RNGTT: variants seen among roughly 807,000 people sequenced by gnomAD.
RNGTT encodes the protein mRNA-capping enzyme.
RNGTT carries 33 observed loss-of-function variants against 79.3 expected under a neutral mutation model. The observed-to-expected ratio is 0.42, with a 90% confidence interval of 0.32 to 0.56. RNGTT has a LOEUF of 0.56. Ranked by LOEUF, RNGTT falls within the 20% of genes least tolerant of loss-of-function variation. The pLI is 0.17. For missense variants in RNGTT, 497 were observed against 739.1 expected (o/e 0.67, Z 3.80); for synonymous variants, 222 against 235.9 (o/e 0.94, Z 0.54).
intron 13 of RNGTT, among the ~76,000 whole-genome samples, chr6:88,738,003 G>C (rs897203011): frequency 1.3e-5 from 2 of 152,146 alleles, no homozygotes; most frequent in Non-Finnish European, 2.9e-5. Flanking sequence ...AAAGAGTACA[G>C]TATGAAAAGG....
In RNGTT at chr6:88,775,062, A is replaced by G. The variant is rs74562685; in HGVS notation, c.1339-5188T>C. Among the ~76,000 whole-genome samples the G allele has an allele frequency of 9.0e-3, 1,376 of 152,344 alleles. 20 individuals are homozygous for G. The highest frequency in any genetic ancestry group is 0.031 in the African/African-American group (1,292 of 41,582). ...CAATATATTTGTATATTCACTTTATAGGTATCCTAATTGGAATGCATTTAC... is the reference window on the plus strand; with the variant it reads ...CAATATATTTGTATATTCACTTTATGGGTATCCTAATTGGAATGCATTTAC... On this transcript the variant is annotated intron_variant, in intron 12 of 15. Coordinates refer to ENST00000369485, the MANE Select transcript of RNGTT (RefSeq NM_003800.5).
At chr6:88,934,007 T>G (rs1784587821) in intron 2 of RNGTT, among the ~76,000 whole-genome samples, 1 of 152,068 alleles carries the variant, frequency 6.6e-6, no homozygotes, top group Admixed American at 6.6e-5. Flanking sequence ...CATCTGTTGG[T>G]TTTTGTCTTT....
chr6:88,765,289 C>T (rs1425935223), intron 13 of RNGTT, among the ~76,000 whole-genome samples: 2 of 151,690 alleles, frequency 1.3e-5, no homozygotes, highest in Non-Finnish European at 2.9e-5. Flanking sequence ...CAAAGTGAGG[C>T]TTCTTCATTC....
chr6:88,761,002 A>G (rs1778204404), intron 13 of RNGTT, among the ~76,000 whole-genome samples: 1 of 133,158 alleles, frequency 7.5e-6, no homozygotes, highest in African/African-American at 2.8e-5. Flanking sequence ...TTTTTAATGA[A>G]TTGAAGCAAA....
chr6:88,669,209 A>T (rs1305559476), intron 14 of RNGTT, among the ~76,000 whole-genome samples: 1 of 152,196 alleles, frequency 6.6e-6, no homozygotes, highest in Non-Finnish European at 1.5e-5. Context: ...CAGACCTTTT[A>T]TGATGAACTA....
At chr6:88,835,076 T>A (rs921201980) in intron 11 of RNGTT, among the ~76,000 whole-genome samples, 1 of 152,076 alleles carries the variant, frequency 6.6e-6, no homozygotes, top group Non-Finnish European at 1.5e-5. Context: ...GAAACAGCAA[T>A]AAGCAAATTA....
intron 11 of RNGTT, among the ~76,000 whole-genome samples, chr6:88,837,267 C>T (rs1201429601): frequency 1.3e-5 from 2 of 151,942 alleles, no homozygotes; most frequent in East Asian, 3.9e-4. Context: ...TGTGGTGGCA[C>T]GTGCCTGTAG....
In RNGTT at chr6:88,872,800, T is replaced by G. The variant is rs527694342; in HGVS notation, c.896+17695A>C. The stretch of plus-strand genomic sequence containing the variant: ...AAATAGACGGAGAAGTACTGAAAAG[T>G]GCTGAGAAGCATGCACAGAGGTAGC... On this transcript the variant is annotated intron_variant, in intron 8 of 15. Coordinates refer to ENST00000369485, the MANE Select transcript of RNGTT (RefSeq NM_003800.5). 2.0e-5 allele frequency among the ~76,000 whole-genome samples: 3 copies of G among 152,198 alleles called. No individual in the cohort carries two copies. In the East Asian group the frequency reaches 5.8e-4, roughly 29 times the overall value.
chr6:88,659,226 A>G (rs922702199), intron 14 of RNGTT, among the ~76,000 whole-genome samples: 2 of 152,198 alleles, frequency 1.3e-5, no homozygotes, highest in Admixed American at 1.3e-4. Context: ...TTCTGGTATG[A>G]TGAAACAAGG....
intron 13 of RNGTT, among the ~76,000 whole-genome samples, chr6:88,734,184 G>A (rs1249242462): frequency 6.6e-6 from 1 of 152,032 alleles, no homozygotes; most frequent in African/African-American, 2.4e-5. Context: ...GGATGAAAGG[G>A]AGGAACTGAG....
chr6:88,962,234 T>C (rs778082010), intron 1 of RNGTT, among the ~76,000 whole-genome samples: 9 of 152,106 alleles, frequency 5.9e-5, no homozygotes, highest in Non-Finnish European at 8.8e-5. Flanking sequence ...GAAAGAGATA[T>C]ATTTGTGTAT....
At chr6:88,628,185 G>A (rs560016450) in intron 14 of RNGTT, among the ~76,000 whole-genome samples, 23 of 152,108 alleles carry the variant, frequency 1.5e-4, no homozygotes, top group Non-Finnish European at 2.4e-4. Flanking sequence ...ATCAGCTCCA[G>A]GTATAGCGGC....
rs530126272 is a variant in RNGTT at position 88,949,941 on chromosome 6, T to C, written c.65-8761A>G. The stretch of plus-strand genomic sequence containing the variant: ...AAGAAAATGGTATCTAGGACTTTCA[T>C]AGCTAGAGAGAAGTCAATGCCTAGA... On this transcript the variant is annotated intron_variant, in intron 1 of 15. Coordinates refer to ENST00000369485, the MANE Select transcript of RNGTT (RefSeq NM_003800.5). Among the ~76,000 whole-genome samples the C allele has an allele frequency of 2.0e-5, 3 of 152,364 alleles. No individual in the cohort carries two copies. In the South Asian group the frequency reaches 6.2e-4, roughly 32 times the overall value.
intron 14 of RNGTT, among the ~76,000 whole-genome samples, chr6:88,663,320 C>T (rs927700095): frequency 1.4e-4 from 21 of 152,278 alleles, no homozygotes; most frequent in African/African-American, 5.1e-4. Context: ...GACTATCCAG[C>T]ATTAGAGGTG....
At chr6:88,944,453 C>T (rs751303579) in intron 1 of RNGTT, among the ~76,000 whole-genome samples, 5 of 152,066 alleles carry the variant, frequency 3.3e-5, no homozygotes, top group Non-Finnish European at 7.3e-5. Flanking sequence ...GTATCTCAGC[C>T]CATACTCCTC....
chr6:88,869,875 T>C (rs190161551), intron 8 of RNGTT, among the ~76,000 whole-genome samples: 48 of 152,284 alleles, frequency 3.2e-4, no homozygotes, highest in African/African-American at 1.1e-3. Flanking sequence ...TAGTTATATA[T>C]TATATCCTGC....
chr6:88,828,598 G>T (rs998876837), intron 11 of RNGTT, among the ~76,000 whole-genome samples: 5 of 152,052 alleles, frequency 3.3e-5, no homozygotes, highest in Admixed American at 2.6e-4. Flanking sequence ...ACTCCTCCGA[G>T]CTAAAGAAGC....
At chr6:88,630,346 A>G (rs1469758914) in intron 14 of RNGTT, among the ~76,000 whole-genome samples, 5 of 152,204 alleles carry the variant, frequency 3.3e-5, no homozygotes, top group African/African-American at 1.2e-4. Flanking sequence ...ACCACACTTC[A>G]GATGTTATCA....
In RNGTT at chr6:88,618,123, C is replaced by G. The variant is rs147387845; in HGVS notation, c.1507-3728G>C. Among the ~76,000 whole-genome samples, 3 of 152,276 alleles carry G rather than the reference C, an allele frequency of 2.0e-5. No homozygotes were observed. The East Asian group carries it at 5.8e-4, about 29-fold the overall frequency. ...ATCTGACTGTAACAATTAAGCAGTA[C>G]TATTAACTATCTGTGTATCTCCTTG... On this transcript the variant is annotated intron_variant, in intron 14 of 15. Transcript: ENST00000369485.
Sources: allele counts gnomAD v4.1 joint callset (sites outside exome capture counted in the v4.1 genomes callset), GRCh38; gene constraint gnomAD v4.1.1; transcripts MANE v1.5; gene names NCBI Gene and HGNC (gene_info 2026-07-23, HGNC 2026-07-21).